HEBP1: variants seen among roughly 807,000 people sequenced by gnomAD.
HEBP1 encodes heme binding protein 1.
Under a neutral mutation model 20.4 loss-of-function variants are expected in HEBP1, and 13 were observed. The ratio of observed to expected loss-of-function variants is 0.64; its 90% CI spans 0.42 to 1.01. The LOEUF (loss-of-function observed/expected upper bound fraction) is 1.01. HEBP1 is among the 50% of genes least tolerant of loss of function. HEBP1 has a pLI of 0.00. For missense variants in HEBP1, 241 were observed against 247.3 expected (o/e 0.97, Z 0.17); for synonymous variants, 92 against 90.7 (o/e 1.01, Z -0.08).
intron 3 of HEBP1, among the ~76,000 whole-genome samples, chr12:12,981,072 G>T (rs1453100704): frequency 2.6e-5 from 4 of 152,218 alleles, no homozygotes; most frequent in African/African-American, 9.6e-5. Context: ...AATCATTTGT[G>T]CAAGAGATGA....
intron 1 of HEBP1, among the ~76,000 whole-genome samples, chr12:12,993,875 G>A (rs1199637339): frequency 6.6e-6 from 1 of 152,128 alleles, no homozygotes; most frequent in African/African-American, 2.4e-5. Context: ...AGGGCAGTAT[G>A]GGAACACAGG....
intron 1 of HEBP1, among the ~76,000 whole-genome samples, chr12:12,990,762 C>G (rs1449624413): frequency 2.0e-5 from 3 of 152,168 alleles, no homozygotes; most frequent in Non-Finnish European, 4.4e-5. Flanking sequence ...GCCTCTGGCT[C>G]CAAGAGTCTG....
intron 3 of HEBP1, chr12:12,977,394 A>G (rs1447407032): frequency 6.6e-6 from 1 of 152,228 alleles, no homozygotes; most frequent in Non-Finnish European, 1.5e-5. Flanking sequence ...CTCCAGGGTG[A>G]GGGACATGAT....
chr12:12,978,196 A>T (rs1864021429), intron 3 of HEBP1, among the ~76,000 whole-genome samples: 1 of 138,246 alleles, frequency 7.2e-6, no homozygotes, highest in Non-Finnish European at 1.5e-5. Flanking sequence ...GACCTACGAA[A>T]GGGTTTTTTT....
intron 3 of HEBP1, chr12:12,977,618 C>T (rs1296087090): frequency 6.6e-6 from 1 of 152,128 alleles, no homozygotes; most frequent in Non-Finnish European, 1.5e-5. Context: ...CTAAAAAAAA[C>T]CATAGTAATA....
chr12:12,981,342 T>C (rs374816131), intron 3 of HEBP1, among the ~76,000 whole-genome samples: 28 of 151,988 alleles, frequency 1.8e-4, no homozygotes, highest in African/African-American at 6.5e-4. Flanking sequence ...ATAAGGCTGG[T>C]GCTTAGGAGA....
intron 1 of HEBP1, among the ~76,000 whole-genome samples, chr12:12,995,089 C>G (rs1864274738): frequency 6.6e-6 from 1 of 152,192 alleles, no homozygotes; most frequent in Non-Finnish European, 1.5e-5. Context: ...GCCAGGGCCT[C>G]TGTGTCTGCT....
At chr12:12,993,739 A>G (rs757869363) in intron 1 of HEBP1, among the ~76,000 whole-genome samples, 1 of 152,200 alleles carries the variant, frequency 6.6e-6, no homozygotes, top group Non-Finnish European at 1.5e-5. Context: ...TTCTTCTTTT[A>G]TTCATTTAAC....
intron 2 of HEBP1, 53 bp from the exon 3 acceptor site, chr12:12,987,385 A>G: frequency 6.8e-7 from 1 of 1,469,876 alleles, no homozygotes; most frequent in Non-Finnish European, 9.3e-7. Context: ...GAGCTTGCTC[A>G]GGGCTGTGGA....
Position 13,000,100 on chromosome 12 carries a change from G to T in HEBP1, c.15C>A (p.Ile5=). MLGM[I]KNSLFGSVET... The stretch of plus-strand genomic sequence containing the variant: ...CTACGCTTCCGAACAGCGAGTTCTT[G>T]ATCATGCCCAACATGTTGTAGCCGA... Residue 5 remains isoleucine, a synonymous_variant, in exon 1 of 4, where the codon ATC becomes ATA. Transcript: ENST00000014930. 6.2e-7 allele frequency: 1 copy of T among 1,611,926 alleles called. No homozygotes were observed. Among genetic ancestry groups the T allele is most frequent in the Non-Finnish European group, 8.5e-7 (1 of 1,178,938 alleles).
chr12:12,978,027 T>G (rs1042866210), intron 3 of HEBP1, among the ~76,000 whole-genome samples: 6 of 151,978 alleles, frequency 3.9e-5, no homozygotes, highest in Non-Finnish European at 7.4e-5. Flanking sequence ...ACCTAGTGAG[T>G]GAAGTGGTTA....
intron 1 of HEBP1, among the ~76,000 whole-genome samples, chr12:12,992,790 C>T (rs987777392): frequency 6.6e-6 from 1 of 152,162 alleles, no homozygotes; most frequent in African/African-American, 2.4e-5. Flanking sequence ...GCGCACCTAC[C>T]CTTGGCACTT....
chr12:12,986,834 T>C lies in HEBP1; in HGVS notation c.398+318A>G, dbSNP rs1414620178. On this transcript the variant is annotated intron_variant, in intron 3 of 3. Coordinates refer to ENST00000014930, the MANE Select transcript of HEBP1 (RefSeq NM_015987.5). The surrounding 1 kb of genome is among the most constrained non-coding windows in gnomAD (Gnocchi z 4.3). The stretch of plus-strand genomic sequence containing the variant: ...CCCATGTGTCCACGAATCCAGACCA[T>C]GGCTTGACTTAAGATATTTGCTGAG... 9.1e-6 allele frequency: 2 copies of C among 218,900 alleles called. No homozygotes were observed. Among genetic ancestry groups the C allele is most frequent in the East Asian group, 2.1e-4 (2 of 9,674 alleles). 13.6% of individuals were successfully genotyped at this position (218,900 alleles called of 1,614,324 possible). A position where few individuals can be genotyped will look rare whatever the true frequency, so the allele number is the denominator to read the frequency against.
At chr12:12,981,225 A>C (rs2030841440) in intron 3 of HEBP1, among the ~76,000 whole-genome samples, 1 of 152,218 alleles carries the variant, frequency 6.6e-6, no homozygotes, top group South Asian at 2.1e-4. Flanking sequence ...TCACTAAGAC[A>C]GAGAACACAG....
In HEBP1 at chr12:12,986,916, T is replaced by A. The variant is rs1385715545; in HGVS notation, c.398+236A>T. On this transcript the variant is annotated intron_variant, in intron 3 of 3. Transcript: ENST00000014930. The surrounding 1 kb of genome is among the most constrained non-coding windows in gnomAD (Gnocchi z 4.3). Reference sequence around the variant, plus strand: ...CATTCACTGTAAGCTTAAGCAAAGCTTAAGCTCGTCCCATCAATTTGGCAA... The same window carrying A: ...CATTCACTGTAAGCTTAAGCAAAGCATAAGCTCGTCCCATCAATTTGGCAA... 3 of 496,534 alleles carry A rather than the reference T, an allele frequency of 6.0e-6. No homozygotes were observed. The allele number at this position is 496,534 out of a possible 1,614,324, so 30.8% of individuals were successfully genotyped here. A position where few individuals can be genotyped will look rare whatever the true frequency, so the allele number is the denominator to read the frequency against.
intron 3 of HEBP1, chr12:12,980,379 A>G (rs1000499875): frequency 1.4e-4 from 21 of 152,270 alleles, no homozygotes; most frequent in African/African-American, 5.1e-4. Context: ...AAATGCTGGA[A>G]TGAAGGTGGA....
In HEBP1 at chr12:12,986,997, G is replaced by T. The variant is rs1565492814; in HGVS notation, c.398+155C>A. 6 of 692,212 alleles carry T rather than the reference G, an allele frequency of 8.7e-6. No homozygotes were observed. The highest frequency in any genetic ancestry group is 2.5e-5 in the East Asian group (1 of 39,620). 42.9% of individuals were successfully genotyped at this position (692,212 alleles called of 1,614,324 possible). On this transcript the variant is annotated intron_variant, in intron 3 of 3. Coordinates refer to ENST00000014930, the MANE Select transcript of HEBP1 (RefSeq NM_015987.5). This position sits in a 1 kb window ranked among gnomAD's most constrained non-coding sequence, Gnocchi z 4.3. Reference sequence around the variant, plus strand: ...AAATGTGTGTGTGCTGCAGCCTGAAGAAATTAAAATGAGAAACTGTTAGGA... The same window carrying T: ...AAATGTGTGTGTGCTGCAGCCTGAATAAATTAAAATGAGAAACTGTTAGGA...
chr12:12,995,402 A>G (rs1864277290), intron 1 of HEBP1, among the ~76,000 whole-genome samples: 1 of 152,182 alleles, frequency 6.6e-6, no homozygotes, highest in Non-Finnish European at 1.5e-5. Context: ...CACTCTACAA[A>G]TATTTGTGAG....
intron 2 of HEBP1, among the ~76,000 whole-genome samples, chr12:12,988,945 C>T (rs1369670523): frequency 6.6e-6 from 1 of 152,084 alleles, no homozygotes; most frequent in African/African-American, 2.4e-5. Flanking sequence ...TGTGGGCACA[C>T]GCCACCTAGT....
Sources: gnomAD v4.1 joint callset for allele counts (sites outside exome capture counted in the v4.1 genomes callset) on GRCh38, gnomAD v4.1.1 for gene constraint, Gnocchi (gnomAD v3.1) non-coding constraint, MANE v1.5 for transcripts, NCBI Gene and HGNC (gene_info 2026-07-23, HGNC 2026-07-21) for gene names.